The following WLS variants were observed in gnomAD, a reference collection of about 807,000 sequenced individuals.
The protein encoded by WLS is protein wntless homolog.
In WLS, 23 loss-of-function variants were observed where a neutral mutation model predicts 62.8. That is an observed-to-expected ratio of 0.37 (90% CI 0.26 to 0.52). The LOEUF is 0.52. WLS is among the 20% of genes least tolerant of loss of function. WLS has a pLI of 0.92. For synonymous variants in WLS, 246 were observed against 244.1 expected (o/e 1.01, Z -0.07); for missense variants, 615 against 697.3 (o/e 0.88, Z 1.33).
chr1:68,227,516 ACT>A (rs1244935119), intron 1 of WLS, among the ~76,000 whole-genome samples: 1 of 151,602 alleles, frequency 6.6e-6, no homozygotes, highest in Non-Finnish European at 1.5e-5. Flanking sequence ...AATTTCAATT[ACT>A]CTTTTAAAAA....
At position 68,153,729 on chromosome 1, in the gene WLS, G is replaced by A. The variant is rs1290324945; in HGVS notation, c.667-76C>T. 2.5e-6 allele frequency: 4 copies of A among 1,595,320 alleles called. No individual in the cohort carries two copies. In the African/African-American group the frequency reaches 4.0e-5, roughly 16 times the overall value. On this transcript the variant is annotated intron_variant, in intron 4 of 11. Transcript: ENST00000262348. ...CCTTCTACTAGCAAATGCTTTTGTG[G>A]GAGAGGTAAGTGGAGACCTCGTCTG...
chr1:68,223,430 T>A (rs1650020248), intron 1 of WLS, among the ~76,000 whole-genome samples: 2 of 152,144 alleles, frequency 1.3e-5, no homozygotes. Context: ...CCTCAACAGA[T>A]CTACAAATCT....
rs143861312 is a variant in WLS, at chr1:68,165,972, A to C, written c.380-6725T>G. On this transcript the variant is annotated intron_variant, in intron 2 of 11. Coordinates refer to ENST00000262348, the MANE Select transcript of WLS (RefSeq NM_024911.7). ...AGGTGCCTCACAGAGACAAGGCTAG[A>C]TAGGATTGCTTCCTTGCCTGGTCCC... 1.9e-3 allele frequency among the ~76,000 whole-genome samples: 292 copies of C among 152,332 alleles called. 6 individuals carry two copies. Among genetic ancestry groups the C allele is most frequent in the Admixed American group, 0.018 (279 of 15,306 alleles).
intron 1 of WLS, among the ~76,000 whole-genome samples, chr1:68,224,354 C>G (rs1650052929): frequency 6.6e-6 from 1 of 152,174 alleles, no homozygotes. Flanking sequence ...AAGACAGTCT[C>G]ATATATTTCC....
At chr1:68,154,226 C>G (rs1350480216) in intron 4 of WLS, among the ~76,000 whole-genome samples, 1 of 152,168 alleles carries the variant, frequency 6.6e-6, no homozygotes, top group East Asian at 1.9e-4. Context: ...GCCGTTTAAT[C>G]CTCATTCTAC....
At chr1:68,102,365 G>T (rs1017935353) in intron 11 of WLS, among the ~76,000 whole-genome samples, 7 of 152,108 alleles carry the variant, frequency 4.6e-5, no homozygotes, top group African/African-American at 1.4e-4. Flanking sequence ...TTTTTTCATT[G>T]CTTCTGCTTT....
At chr1:68,120,388 G>GT (rs5774909), downstream of WLS, among the ~76,000 whole-genome samples, 676 of 152,342 alleles carry the variant, frequency 4.4e-3, 8 homozygotes, top group African/African-American at 0.015. Context: ...TGAAGAGCTT[G>GT]TTTTTAAGGC....
chr1:68,148,412 C>A, intron 7 of WLS, 151 bp downstream of exon 7: 1 of 913,342 alleles, frequency 1.1e-6, no homozygotes. Flanking sequence ...TGATTTGATC[C>A]CAGACCTTGT....
intron 1 of WLS, among the ~76,000 whole-genome samples, chr1:68,218,378 C>A (rs954847022): frequency 6.6e-6 from 1 of 152,102 alleles, no homozygotes; most frequent in Non-Finnish European, 1.5e-5. Context: ...ATCGTACATC[C>A]AAGTCTGGAA....
intron 1 of WLS, among the ~76,000 whole-genome samples, chr1:68,196,914 C>T (rs1648696176): frequency 6.6e-6 from 1 of 152,102 alleles, no homozygotes; most frequent in African/African-American, 2.4e-5. Flanking sequence ...ATTAGAAAAG[C>T]CAAATGGCAC....
chr1:68,170,758 T>C (rs1054032932), intron 2 of WLS, among the ~76,000 whole-genome samples: 2 of 151,962 alleles, frequency 1.3e-5, no homozygotes, highest in African/African-American at 4.8e-5. Flanking sequence ...AATATGACAC[T>C]TATGACACTT....
Position 68,145,909 on chromosome 1 carries a change from C to T in WLS, c.1238G>A (p.Ser413Asn). 1 of 1,614,178 alleles carries T rather than the reference C, an allele frequency of 6.2e-7. No individual in the cohort carries two copies. The highest frequency in any genetic ancestry group is 2.2e-5 in the East Asian group (1 of 44,880). The change falls in exon 9 of 12, where the codon AGC (serine) becomes AAC (asparagine). Residue 413 changes from serine to asparagine, a missense_variant. Coordinates refer to ENST00000262348, the MANE Select transcript of WLS (RefSeq NM_024911.7). ...VFRNISGKQS[S>N]LPAMSKVRRL... ...CCGGACTTTGCTCATAGCTGGCAGGCTGGACTGCTTCCCACTGATGTTCCG... is the reference window on the plus strand; with the variant it reads ...CCGGACTTTGCTCATAGCTGGCAGGTTGGACTGCTTCCCACTGATGTTCCG...
intron 11 of WLS, among the ~76,000 whole-genome samples, chr1:68,133,205 C>T (rs965607478): frequency 2.6e-5 from 4 of 152,162 alleles, no homozygotes; most frequent in Non-Finnish European, 5.9e-5. Flanking sequence ...AATGATTACA[C>T]ATATAATTCT....
At chr1:68,155,298 T>C (rs1646881194) in intron 3 of WLS, 38 bp from the exon 4 acceptor site, 1 of 1,584,426 alleles carries the variant, frequency 6.3e-7, no homozygotes, top group African/African-American at 1.4e-5. Flanking sequence ...AGGGTCACTA[T>C]TTCCAATAGA....
intron 3 of WLS, among the ~76,000 whole-genome samples, chr1:68,158,391 C>T (rs1646928716): frequency 6.6e-6 from 1 of 152,144 alleles, no homozygotes; most frequent in Non-Finnish European, 1.5e-5. Context: ...ATGTTTTCTC[C>T]TAGTGGCCCA....
intron 3 of WLS, 64 bp from the exon 4 acceptor site, chr1:68,155,324 G>A: frequency 1.3e-6 from 2 of 1,541,722 alleles, no homozygotes; most frequent in South Asian, 2.5e-5. Flanking sequence ...TCTGAATTCT[G>A]TTACCCTGGA....
intron 2 of WLS, among the ~76,000 whole-genome samples, chr1:68,167,615 T>C (rs1425626234): frequency 6.6e-6 from 1 of 152,140 alleles, no homozygotes; most frequent in African/African-American, 2.4e-5. Context: ...ATCAGTTTCA[T>C]GGGGGTACAG....
chr1:68,155,012 A>C (rs1646876556), intron 4 of WLS, 87 bp downstream of exon 4: 4 of 1,374,016 alleles, frequency 2.9e-6, no homozygotes, highest in Admixed American at 2.2e-5. Context: ...CCCATTTCTC[A>C]GATGAGACAG....
downstream of WLS, chr1:68,120,982 C>T (rs1054216919): frequency 1.3e-5 from 2 of 152,130 alleles, no homozygotes; most frequent in Non-Finnish European, 2.9e-5. Flanking sequence ...TAAAGTTCTA[C>T]CATTAAGTCA....
Sources: allele counts gnomAD v4.1 joint callset (sites outside exome capture counted in the v4.1 genomes callset), GRCh38; gene constraint gnomAD v4.1.1; transcripts MANE v1.5; gene names NCBI Gene and HGNC (gene_info 2026-07-23, HGNC 2026-07-21).